LNPEP: variants seen among roughly 807,000 people sequenced by gnomAD.
LNPEP encodes the protein leucyl-cystinyl aminopeptidase.
In LNPEP, 64 loss-of-function variants were observed where a neutral mutation model predicts 120.6. That is an observed-to-expected ratio of 0.53 (90% CI 0.43 to 0.65). The LOEUF is 0.65. Ranked by LOEUF, LNPEP falls within the 30% of genes least tolerant of loss-of-function variation. The probability of loss-of-function intolerance (pLI) is 0.00; values close to 1 mark genes in which losing one functional copy is unlikely to be tolerated. For missense variants in LNPEP, 1,057 were observed against 1,200.0 expected (o/e 0.88, Z 1.76); for synonymous variants, 435 against 425.4 (o/e 1.02, Z -0.28).
intron 11 of LNPEP, 68 bp from the exon 12 acceptor site, chr5:97,013,580 A>G: frequency 2.5e-6 from 2 of 801,316 alleles, no homozygotes; most frequent in Non-Finnish European, 3.7e-6. Context: ...AAAACAAAGC[A>G]CTCATAATTT....
intron 1 of LNPEP, among the ~76,000 whole-genome samples, chr5:96,966,548 G>C (rs1428568440): frequency 6.7e-6 from 1 of 149,466 alleles, no homozygotes; most frequent in Non-Finnish European, 1.5e-5. Context: ...GTGTGTGTGT[G>C]TGTGTAGTGA....
At chr5:97,014,077 C>T (rs1791004781) in intron 12 of LNPEP, among the ~76,000 whole-genome samples, 2 of 152,062 alleles carry the variant, frequency 1.3e-5, no homozygotes, top group South Asian at 4.1e-4. Context: ...AAACAGGATA[C>T]ATATTTTGTT....
chr5:97,001,944 A>G (rs975420413), intron 8 of LNPEP, among the ~76,000 whole-genome samples: 3 of 152,252 alleles, frequency 2.0e-5, no homozygotes, highest in Admixed American at 2.0e-4. Flanking sequence ...GTTCAAGAAC[A>G]GTCTGTCCAA....
intron 2 of LNPEP, among the ~76,000 whole-genome samples, chr5:96,982,649 TG>T: frequency 6.6e-6 from 1 of 152,276 alleles, no homozygotes; most frequent in East Asian, 1.9e-4. Flanking sequence ...TACATAAGAA[TG>T]TTGGGGGTGG....
At chr5:97,008,349 T>TG (rs1561450411) in intron 11 of LNPEP, among the ~76,000 whole-genome samples, 2 of 117,436 alleles carry the variant, frequency 1.7e-5, no homozygotes, top group African/African-American at 3.3e-5. Flanking sequence ...TTTTTTTTTT[T>TG]TTTTTTTTTT....
chr5:96,981,212 C>A (rs1019629359), intron 2 of LNPEP, among the ~76,000 whole-genome samples: 1 of 151,900 alleles, frequency 6.6e-6, no homozygotes, highest in African/African-American at 2.4e-5. Context: ...TCTAATAGAA[C>A]TAAGCAAAAT....
chr5:97,018,451 A>C (rs1156771439), intron 13 of LNPEP, among the ~76,000 whole-genome samples: 5 of 152,080 alleles, frequency 3.3e-5, no homozygotes, highest in Non-Finnish European at 5.9e-5. Flanking sequence ...GGAGGGATCT[A>C]GGGACTGATG....
chr5:96,967,083 T>G (rs1241391390), intron 1 of LNPEP, among the ~76,000 whole-genome samples: 3 of 152,148 alleles, frequency 2.0e-5, no homozygotes, highest in Non-Finnish European at 4.4e-5. Context: ...ACTTTAGATA[T>G]TATCTGTTTC....
At chr5:96,956,801 C>T (rs963965085) in intron 1 of LNPEP, among the ~76,000 whole-genome samples, 5 of 152,144 alleles carry the variant, frequency 3.3e-5, no homozygotes, top group South Asian at 2.1e-4. Context: ...CCCTACATGT[C>T]CTTGAGGCGC....
Position 97,022,440 on chromosome 5 carries a change from C to T in LNPEP, c.2517C>T (p.Ala839=), listed in dbSNP as rs762306910. Residue 839 remains alanine, a synonymous_variant, in exon 14 of 18, where the codon GCC becomes GCT. Coordinates refer to ENST00000231368, the MANE Select transcript of LNPEP (RefSeq NM_005575.3). Reference sequence around the variant, plus strand: ...ACCTGGGGAACTGCTCTACTACTGCCATGAAACTGTTTGATGACTGGATGG... The same window carrying T: ...ACCTGGGGAACTGCTCTACTACTGCTATGAAACTGTTTGATGACTGGATGG... ...THNLGNCSTT[A]MKLFDDWMAS... The T allele has an allele frequency of 6.2e-7, 1 of 1,614,030 alleles. No homozygotes were observed. The highest frequency in any genetic ancestry group is 1.1e-5 in the South Asian group (1 of 91,064).
At position 97,030,541 on chromosome 5, in the gene LNPEP, C is replaced by T. The variant is rs1045769884; in HGVS notation, c.*2008C>T. The T allele has an allele frequency of 2.0e-5, 3 of 151,310 alleles. No homozygotes were observed. Among genetic ancestry groups the T allele is most frequent in the Admixed American group, 2.0e-4 (3 of 15,186 alleles). 9.4% of individuals were successfully genotyped at this position (151,310 alleles called of 1,614,324 possible). A position where few individuals can be genotyped will look rare whatever the true frequency, so the allele number is the denominator to read the frequency against. ...TTACCTGTGCTTCTTGACATCGCTC[C>T]TATAATGTATGTTAGTTAACTCTGC... On this transcript the variant is annotated 3_prime_UTR_variant, in exon 18 of 18. Transcript: ENST00000231368.
In LNPEP at chr5:96,998,009, G is replaced by C. The variant is rs761540904; in HGVS notation, c.1522-5G>C. On this transcript the variant is annotated splice_region_variant and splice_polypyrimidine_tract_variant and intron_variant, in intron 7 of 17. Coordinates refer to ENST00000231368, the MANE Select transcript of LNPEP (RefSeq NM_005575.3). ...TGATATTCTAATCTTTTCATTTTTT[G>C]ACAGTATGAAGATTTCTTAGATGCT... 1.3e-6 allele frequency: 2 copies of C among 1,539,712 alleles called. No homozygotes were observed. Among genetic ancestry groups the C allele is most frequent in the South Asian group, 1.2e-5 (1 of 84,002 alleles).
intron 7 of LNPEP, 71 bp from the exon 8 acceptor site, chr5:96,997,943 A>G (rs1003079909): frequency 4.5e-6 from 5 of 1,110,318 alleles, no homozygotes; most frequent in African/African-American, 1.6e-5. Context: ...AGTCTAATTC[A>G]CATAAATAAT....
intron 1 of LNPEP, among the ~76,000 whole-genome samples, chr5:96,971,323 G>T (rs1158485614): frequency 6.7e-6 from 1 of 149,132 alleles, no homozygotes; most frequent in African/African-American, 2.5e-5. Context: ...TTTTGACCAT[G>T]ATGTGCTTAA....
At chr5:96,984,665 AAC>A (rs1451000329) in intron 2 of LNPEP, among the ~76,000 whole-genome samples, 1 of 152,218 alleles carries the variant, frequency 6.6e-6, no homozygotes, top group African/African-American at 2.4e-5. Flanking sequence ...TATTTAACTT[AAC>A]CACTCAGCCA....
chr5:96,969,510 C>G (rs570043626), intron 1 of LNPEP, among the ~76,000 whole-genome samples: 18 of 152,124 alleles, frequency 1.2e-4, no homozygotes, highest in African/African-American at 4.3e-4. Context: ...ATCTCTGTCT[C>G]TAGCCTGTGA....
At chr5:96,959,716 T>C (rs558039635) in intron 1 of LNPEP, among the ~76,000 whole-genome samples, 1 of 152,248 alleles carries the variant, frequency 6.6e-6, no homozygotes, top group Non-Finnish European at 1.5e-5. Context: ...TTTAGCTAAA[T>C]CCATCCTCTA....
intron 16 of LNPEP, among the ~76,000 whole-genome samples, chr5:97,027,170 G>A (rs547436131): frequency 1.3e-5 from 2 of 152,184 alleles, no homozygotes; most frequent in East Asian, 1.9e-4. Flanking sequence ...TGGCTAACAC[G>A]GTGAAACCCC....
chr5:96,997,938 A>C, intron 7 of LNPEP, 76 bp from the exon 8 acceptor site: 1 of 1,046,408 alleles, frequency 9.6e-7, no homozygotes, highest in East Asian at 2.6e-5. Context: ...TAATTAGTCT[A>C]ATTCACATAA....
Sources: allele counts gnomAD v4.1 joint callset (sites outside exome capture counted in the v4.1 genomes callset), GRCh38; gene constraint gnomAD v4.1.1; transcripts MANE v1.5; gene names NCBI Gene and HGNC (gene_info 2026-07-23, HGNC 2026-07-21).